Variants in CDON observed in about 807,000 individuals in gnomAD.
CDON encodes the protein cell adhesion associated, oncogene regulated.
A neutral mutation model predicts 120.9 loss-of-function variants in CDON; 73 were observed. The ratio of observed to expected loss-of-function variants is 0.60; its 90% CI spans 0.50 to 0.73. The LOEUF (loss-of-function observed/expected upper bound fraction) is 0.73. Ranked by LOEUF, CDON falls within the 30% of genes least tolerant of loss-of-function variation. The pLI, the probability that CDON is intolerant of heterozygous loss-of-function variation, is 0.00. For missense variants in CDON, 1,470 were observed against 1,587.3 expected, an observed-to-expected ratio of 0.93 and a Z score of 1.26; for synonymous variants, 566 against 573.5, an observed-to-expected ratio of 0.99 and a Z score of 0.19.
In CDON at chr11:126,019,691, T is replaced by C. The variant is rs780474749; in HGVS notation, c.424A>G (p.Arg142Gly). ...GCTTTGGGGTTACTCTCCGGTACCCTGCAGCCAATGAAACCAGCACTTTTT... is the reference window on the plus strand; with the variant it reads ...GCTTTGGGGTTACTCTCCGGTACCCCGCAGCCAATGAAACCAGCACTTTTT... The part of the protein sequence containing the change: ...EEKSAGFIGC[R>G]VPESNPKAEV... Residue 142 changes from arginine (R) to glycine (G), a missense_variant, in exon 4 of 20, where the codon AGG (arginine) becomes GGG (glycine). By Grantham distance (125) the Arg-to-Gly change is moderately radical. Coordinates refer to ENST00000531738, the MANE Select transcript of CDON (RefSeq NM_001378964.1). 2.5e-6 allele frequency: 4 copies of C among 1,613,998 alleles called. No individual in the cohort carries two copies. Among genetic ancestry groups the C allele is most frequent in the African/African-American group, 1.3e-5 (1 of 74,936 alleles).
chr11:126,010,193 C>A (rs980869844), intron 8 of CDON, 148 bp downstream of exon 8: 2 of 644,294 alleles, frequency 3.1e-6, no homozygotes, highest in African/African-American at 3.7e-5. Context: ...AAGTGAAATA[C>A]CAAGAAATAC....
chr11:126,023,633 C>T (rs938688175), intron 1 of CDON, 96 bp from the exon 2 acceptor site: 30 of 698,194 alleles, frequency 4.3e-5, no homozygotes, highest in Non-Finnish European at 6.7e-5. Flanking sequence ...ATTTTGAAAG[C>T]TCTGTGTAGA....
intron 18 of CDON, among the ~76,000 whole-genome samples, chr11:125,963,025 G>T (rs549279384): frequency 6.6e-6 from 1 of 151,658 alleles, no homozygotes; most frequent in African/African-American, 2.4e-5. Context: ...TTTTAAACTA[G>T]ATTTTCCTTT....
chr11:126,020,065 GAAAAAA>G (rs1428283761), intron 3 of CDON, among the ~76,000 whole-genome samples: 1 of 148,740 alleles, frequency 6.7e-6, no homozygotes, highest in Non-Finnish European at 1.5e-5. Context: ...GAAAAAAAAA[GAAAAAA>G]AAGAAAAGAA....
intron 8 of CDON, among the ~76,000 whole-genome samples, chr11:126,007,248 G>A (rs1947154753): frequency 6.6e-6 from 1 of 152,224 alleles, no homozygotes; most frequent in Non-Finnish European, 1.5e-5. Flanking sequence ...CACTGCAGTA[G>A]AGAACCAACA....
intron 1 of CDON, among the ~76,000 whole-genome samples, chr11:126,042,468 G>A (rs1009471685): frequency 1.3e-5 from 2 of 152,152 alleles, no homozygotes; most frequent in Non-Finnish European, 1.5e-5. Context: ...CCACAAAGCA[G>A]ACAAGAACTG....
chr11:126,052,395 C>T (rs763468605), intron 1 of CDON, among the ~76,000 whole-genome samples: 20 of 152,126 alleles, frequency 1.3e-4, no homozygotes, highest in Non-Finnish European at 2.5e-4. Context: ...GAGATCAGAA[C>T]AATTCTAATC....
intron 18 of CDON, among the ~76,000 whole-genome samples, chr11:125,965,626 T>C (rs1198173297): frequency 1.3e-5 from 2 of 152,170 alleles, no homozygotes; most frequent in Admixed American, 1.3e-4. Context: ...AGTGGGACCC[T>C]TGAAGGGCTA....
chr11:125,981,806 C>T (rs922771182), intron 16 of CDON, among the ~76,000 whole-genome samples: 9 of 151,788 alleles, frequency 5.9e-5, no homozygotes, highest in African/African-American at 2.2e-4. Context: ...AAAATGACAA[C>T]AAAAGACTAG....
intron 16 of CDON, among the ~76,000 whole-genome samples, chr11:125,982,841 A>T (rs920537651): frequency 1.4e-4 from 21 of 152,168 alleles, no homozygotes; most frequent in African/African-American, 5.1e-4. Flanking sequence ...AAATCAAATG[A>T]TCACCATCCC....
intron 10 of CDON, among the ~76,000 whole-genome samples, chr11:126,003,028 A>G (rs1408611100): frequency 6.6e-6 from 1 of 152,018 alleles, no homozygotes; most frequent in African/African-American, 2.4e-5. Flanking sequence ...TCCGATGTCG[A>G]CCGCTCATTG....
At chr11:125,979,359 G>A (rs1018015225) in intron 17 of CDON, among the ~76,000 whole-genome samples, 7 of 152,174 alleles carry the variant, frequency 4.6e-5, no homozygotes, top group East Asian at 3.9e-4. Context: ...AGAACATATC[G>A]AGAGAAAGAA....
intron 18 of CDON, among the ~76,000 whole-genome samples, chr11:125,976,603 G>GCA (rs751057155): frequency 1.0e-5 from 1 of 96,316 alleles, no homozygotes; most frequent in East Asian, 2.5e-4. Context: ...ACACACACAT[G>GCA]CACACACACA....
At chr11:125,978,666 A>C (rs1267469092) in intron 17 of CDON, among the ~76,000 whole-genome samples, 1 of 152,226 alleles carries the variant, frequency 6.6e-6, no homozygotes, top group Non-Finnish European at 1.5e-5. Context: ...AAATAAATGA[A>C]GGGAAAAGTT....
At position 125,994,943 on chromosome 11, in the gene CDON, G is replaced by A; in HGVS notation, c.2472C>T (p.Ser824=). ...QVVGFPNRFS[S]RPITGPHIAY... ...CAATGTGAGGTCCAGTTATTGGACG[G>A]CTGGAAAAGCGATTGGGGAACCCAA... The change falls in exon 13 of 20, where the codon AGC becomes AGT. Residue 824 remains serine, a synonymous_variant. Transcript: ENST00000531738. 1.2e-6 allele frequency: 2 copies of A among 1,614,038 alleles called. No individual in the cohort carries two copies. Among genetic ancestry groups the A allele is most frequent in the Non-Finnish European group, 1.7e-6 (2 of 1,179,872 alleles).
chr11:125,974,426 G>A (rs1437395674), intron 18 of CDON, among the ~76,000 whole-genome samples: 4 of 93,414 alleles, frequency 4.3e-5, no homozygotes, highest in South Asian at 4.8e-4. Flanking sequence ...GGGAGGGAGG[G>A]AGGGAATTCT....
Position 126,015,587 on chromosome 11 carries a change from TTCTC to T in CDON, c.929-81_929-78del, listed in dbSNP as rs1379829882. ...AATTATCACTCGAGTGATAAAAATC[TTCTC>T]TCTACCAATAACCAGTTGAAACAAA... On this transcript the variant is annotated intron_variant, in intron 6 of 19. Transcript: ENST00000531738. The T allele has an allele frequency of 2.5e-5, 36 of 1,443,458 alleles. No individual in the cohort carries two copies. In the Middle Eastern group the frequency reaches 1.6e-3, roughly 66 times the overall value. The allele number at this position is 1,443,458 out of a possible 1,614,324, so 89.4% of individuals were successfully genotyped here. A position where few individuals can be genotyped will look rare whatever the true frequency, so the allele number is the denominator to read the frequency against.
At chr11:126,038,900 C>G (rs1367210413) in intron 1 of CDON, among the ~76,000 whole-genome samples, 1 of 152,114 alleles carries the variant, frequency 6.6e-6, no homozygotes, top group African/African-American at 2.4e-5. Flanking sequence ...ACCTTCTTTG[C>G]TTGAACAGCC....
At chr11:125,971,844 C>A (rs913286313) in intron 18 of CDON, among the ~76,000 whole-genome samples, 5 of 152,186 alleles carry the variant, frequency 3.3e-5, no homozygotes, top group Non-Finnish European at 7.3e-5. Context: ...CTAAAAAAGA[C>A]CAGATTTAAT....
Sources: allele counts gnomAD v4.1 joint callset (sites outside exome capture counted in the v4.1 genomes callset), GRCh38; gene constraint gnomAD v4.1.1; transcripts MANE v1.5; gene names NCBI Gene and HGNC (gene_info 2026-07-23, HGNC 2026-07-21).